The following ERP44 variants were observed in gnomAD, a reference collection of about 807,000 sequenced individuals.
ERP44 encodes the protein endoplasmic reticulum protein 44, also known as endoplasmic reticulum resident protein 44.
Under a neutral mutation model 53.4 loss-of-function variants are expected in ERP44, and 25 were observed. That is an observed-to-expected ratio of 0.47 (90% confidence interval 0.34 to 0.65). The LOEUF is 0.65. Ranked by LOEUF, ERP44 falls within the 30% of genes least tolerant of loss-of-function variation. ERP44 has a pLI of 0.01. For missense variants in ERP44, 338 were observed against 493.2 expected, an observed-to-expected ratio of 0.69 and a Z score of 2.98; for synonymous variants, 145 against 161.2, an observed-to-expected ratio of 0.90 and a Z score of 0.76.
In ERP44 at chr9:100,016,450, CAG is replaced by C. The variant is rs531699500; in HGVS notation, c.646-14_646-13del. The stretch of plus-strand genomic sequence containing the variant: ...TCCGGAGCAGAATGCTATTACAAAA[CAG>C]AAAAAAAAAATTAAATCTAACCTGT... On this transcript the variant is annotated splice_polypyrimidine_tract_variant and intron_variant, in intron 7 of 11. Coordinates refer to ENST00000262455, the MANE Select transcript of ERP44 (RefSeq NM_015051.3). 9 of 1,570,196 alleles carry C rather than the reference CAG, an allele frequency of 5.7e-6. No homozygotes were observed. The Admixed American group carries it at 1.7e-4, about 29-fold the overall frequency.
At position 100,043,394 on chromosome 9, in the gene ERP44, A is replaced by C. The variant is rs79192464; in HGVS notation, c.286+9023T>G. 7.6e-4 allele frequency among the ~76,000 whole-genome samples: 116 copies of C among 151,918 alleles called. 3 individuals carry two copies. In the East Asian group the frequency reaches 0.018, roughly 24 times the overall value. On this transcript the variant is annotated intron_variant, in intron 4 of 11. Coordinates refer to ENST00000262455, the MANE Select transcript of ERP44 (RefSeq NM_015051.3). ...ACTTAAACCGTATGATTCGATCTCA[A>C]TCGTTTTAAAGACAAAGGATAAATG...
intron 1 of ERP44, among the ~76,000 whole-genome samples, chr9:100,081,319 T>C (rs1273840885): frequency 2.6e-5 from 4 of 152,080 alleles, no homozygotes; most frequent in African/African-American, 7.2e-5. Flanking sequence ...CCAAAAAGCA[T>C]TTAATAAGAC....
At chr9:100,052,310 A>AG (rs1455679104) in intron 4 of ERP44, 107 bp downstream of exon 4, 2 of 525,508 alleles carry the variant, frequency 3.8e-6, no homozygotes, top group Non-Finnish European at 6.4e-6. Flanking sequence ...ATTTAAAAAA[A>AG]AAAAGAAAAG....
At chr9:99,987,028 C>T (rs1406070270) in intron 10 of ERP44, among the ~76,000 whole-genome samples, 1 of 152,150 alleles carries the variant, frequency 6.6e-6, no homozygotes, top group Non-Finnish European at 1.5e-5. Context: ...ACTGCTTCTG[C>T]TAGTCAAGAA....
chr9:100,090,793 T>C (rs978314723), intron 1 of ERP44, among the ~76,000 whole-genome samples: 2 of 152,134 alleles, frequency 1.3e-5, no homozygotes, highest in Non-Finnish European at 2.9e-5. Flanking sequence ...AGCAGGCTTG[T>C]AAATATGAGT....
chr9:100,041,303 T>TAA (rs76504492), intron 4 of ERP44, among the ~76,000 whole-genome samples: 6 of 150,538 alleles, frequency 4.0e-5, no homozygotes, highest in South Asian at 2.1e-4. Context: ...TTTTTTGCCA[T>TAA]AAAAAAAAAA....
intron 10 of ERP44, among the ~76,000 whole-genome samples, chr9:99,999,851 T>C (rs796187939): frequency 2.0e-5 from 3 of 152,332 alleles, no homozygotes; most frequent in Admixed American, 6.5e-5. Context: ...ATGATATTTG[T>C]ATACGGGGCG....
intron 10 of ERP44, chr9:99,999,078 C>T (rs1026300881): frequency 1.1e-5 from 8 of 704,190 alleles, no homozygotes; most frequent in South Asian, 4.6e-5. Context: ...CTGCAGGGAG[C>T]GCACGGCCGT....
At position 100,098,811 on chromosome 9, in the gene ERP44, G is replaced by C. The variant is rs769787882; in HGVS notation, c.30C>G (p.Pro10=). ...GGAGCAGAAGGGAGCATCTGAGGTC[G>C]GGTAAGGATAGGAAGACGGCAGGAT... The part of the protein sequence containing the change: MHPAVFLSL[P]DLRCSLLLLV... The change falls in exon 1 of 12, where the codon CCC becomes CCG. Residue 10 remains proline, a synonymous_variant. Coordinates refer to ENST00000262455, the MANE Select transcript of ERP44 (RefSeq NM_015051.3). 1 of 1,613,908 alleles carries C rather than the reference G, an allele frequency of 6.2e-7. No homozygotes were observed. The highest frequency in any genetic ancestry group is 2.2e-5 in the East Asian group (1 of 44,858).
chr9:99,991,034 CAA>C, intron 10 of ERP44, among the ~76,000 whole-genome samples: 1 of 152,160 alleles, frequency 6.6e-6, no homozygotes, highest in African/African-American at 2.4e-5. Context: ...TAGAGACCTA[CAA>C]AGAGACTTAG....
At position 100,043,291 on chromosome 9, in the gene ERP44, A is replaced by AAAAAAAAAAAAAAAG. The variant is rs1168903331; in HGVS notation, c.286+9125_286+9126insCTTTTTTTTTTTTTT. Among the ~76,000 whole-genome samples, 194 of 74,922 alleles carry AAAAAAAAAAAAAAAG rather than the reference A, an allele frequency of 2.6e-3. 53 individuals are homozygous for AAAAAAAAAAAAAAAG. Among genetic ancestry groups the AAAAAAAAAAAAAAAG allele is most frequent in the East Asian group, 6.7e-3 (12 of 1,780 alleles). The allele number at this position is 74,922 out of a possible 152,430, so 49.2% of individuals were successfully genotyped here. Reference sequence around the variant, plus strand: ...AAAAAAAAAAAAAAAAAAAAAAAAAAGATAAATAAGACATAGTATTTGCTA... The same window carrying AAAAAAAAAAAAAAAG: ...AAAAAAAAAAAAAAAAAAAAAAAAAAAAAAAAAAAAAAAAGGATAAATAAGACATAGTATTTGCTA... On this transcript the variant is annotated intron_variant, in intron 4 of 11. Transcript: ENST00000262455.
intron 6 of ERP44, among the ~76,000 whole-genome samples, chr9:100,019,359 C>T (rs891594337): frequency 1.9e-4 from 29 of 152,072 alleles, no homozygotes; most frequent in African/African-American, 6.8e-4. Context: ...TCCTGGGCAA[C>T]ATGGTGAGAC....
At chr9:100,086,947 T>A (rs1330722968) in intron 1 of ERP44, among the ~76,000 whole-genome samples, 1 of 151,380 alleles carries the variant, frequency 6.6e-6, no homozygotes, top group East Asian at 1.9e-4. Flanking sequence ...ATGTATATTA[T>A]CTCTTTAAAT....
intron 1 of ERP44, among the ~76,000 whole-genome samples, chr9:100,094,270 G>A (rs1262891618): frequency 6.6e-6 from 1 of 151,900 alleles, no homozygotes; most frequent in Non-Finnish European, 1.5e-5. Flanking sequence ...CCAAGTGGAG[G>A]GAGAAACAAA....
chr9:100,041,668 A>AAACAAC (rs537934933), intron 4 of ERP44, among the ~76,000 whole-genome samples: 2 of 152,018 alleles, frequency 1.3e-5, no homozygotes, highest in Non-Finnish European at 2.9e-5. Flanking sequence ...TTCCGACTCA[A>AAACAAC]AACAACAACA....
At chr9:100,038,695 A>C (rs1218074064) in intron 4 of ERP44, among the ~76,000 whole-genome samples, 1 of 152,134 alleles carries the variant, frequency 6.6e-6, no homozygotes, top group Non-Finnish European at 1.5e-5. Context: ...ATCAAAAGAC[A>C]CAGACTGGTG....
chr9:100,092,858 G>A (rs572736438), intron 1 of ERP44, among the ~76,000 whole-genome samples: 8 of 152,204 alleles, frequency 5.3e-5, no homozygotes, highest in African/African-American at 1.4e-4. Flanking sequence ...CTACTGATGA[G>A]AGTGTGAGGA....
intron 4 of ERP44, among the ~76,000 whole-genome samples, chr9:100,039,341 TC>T (rs1261192970): frequency 6.6e-6 from 1 of 152,102 alleles, no homozygotes; most frequent in Non-Finnish European, 1.5e-5. Flanking sequence ...AAGCATCTCC[TC>T]TGATGACAAT....
At position 100,072,625 on chromosome 9, in the gene ERP44, C is replaced by A. The variant is rs539926177; in HGVS notation, c.58-12453G>T. On this transcript the variant is annotated intron_variant, in intron 1 of 11. Transcript: ENST00000262455. ...GCAACCTTCGCCTCCCTGGTTCAAG[C>A]GATTCTCCTGCCTCAGCCTCCTGAG... Among the ~76,000 whole-genome samples the A allele has an allele frequency of 2.0e-5, 3 of 152,234 alleles. No individual in the cohort carries two copies. In the South Asian group the frequency reaches 6.2e-4, roughly 32 times the overall value.
Sources: gnomAD v4.1 joint callset for allele counts (sites outside exome capture counted in the v4.1 genomes callset) on GRCh38, gnomAD v4.1.1 for gene constraint, MANE v1.5 for transcripts, NCBI Gene and HGNC (gene_info 2026-07-23, HGNC 2026-07-21) for gene names.